Variants in SLC24A3 observed in about 807,000 individuals in gnomAD.
The protein encoded by SLC24A3 is sodium/potassium/calcium exchanger 3.
SLC24A3 carries 28 observed loss-of-function variants against 75.8 expected under a neutral mutation model. The ratio of observed to expected loss-of-function variants is 0.37; its 90% CI spans 0.27 to 0.51. The LOEUF (loss-of-function observed/expected upper bound fraction) is 0.51, where lower values mean the gene tolerates loss of function less well. Among genes scored for constraint, SLC24A3 ranks in the 20% least tolerant of loss-of-function variants. The pLI is 0.94. For synonymous variants in SLC24A3, 372 were observed against 334.1 expected (o/e 1.11, Z -1.24); for missense variants, 663 against 847.8 (o/e 0.78, Z 2.71).
intron 3 of SLC24A3, among the ~76,000 whole-genome samples, chr20:19,569,218 C>T (rs1256247516): frequency 6.6e-6 from 1 of 152,176 alleles, no homozygotes; most frequent in Non-Finnish European, 1.5e-5. Context: ...CTGCTTCCTC[C>T]TCTTAACCCA....
chr20:19,516,273 T>C (rs2029986227), intron 3 of SLC24A3, among the ~76,000 whole-genome samples: 2 of 152,336 alleles, frequency 1.3e-5, no homozygotes, highest in Middle Eastern at 3.4e-3. Flanking sequence ...GGGGAGGGCA[T>C]ACATGTGACG....
At chr20:19,254,134 C>T (rs1982742061) in intron 1 of SLC24A3, among the ~76,000 whole-genome samples, 1 of 152,196 alleles carries the variant, frequency 6.6e-6, no homozygotes, top group Non-Finnish European at 1.5e-5. Context: ...AATAATCACG[C>T]CTGTGCCCAT....
intron 3 of SLC24A3, among the ~76,000 whole-genome samples, chr20:19,541,548 C>T (rs918844182): frequency 3.9e-5 from 6 of 152,208 alleles, no homozygotes; most frequent in African/African-American, 9.6e-5. Context: ...GGGGCACCCC[C>T]GCGCCCTCCG....
At chr20:19,514,058 G>C (rs1327389397) in intron 2 of SLC24A3, among the ~76,000 whole-genome samples, 1 of 152,204 alleles carries the variant, frequency 6.6e-6, no homozygotes, top group African/African-American at 2.4e-5. Flanking sequence ...CAAACACTTC[G>C]TGTGGCTCCA....
At chr20:19,371,587 T>A (rs965145490) in intron 2 of SLC24A3, among the ~76,000 whole-genome samples, 2 of 152,154 alleles carry the variant, frequency 1.3e-5, no homozygotes, top group Non-Finnish European at 2.9e-5. Context: ...CCATTGGTAA[T>A]AAACCCCACC....
chr20:19,435,417 C>T (rs1987181235), intron 2 of SLC24A3, among the ~76,000 whole-genome samples: 1 of 152,232 alleles, frequency 6.6e-6, no homozygotes. Context: ...TTCGTTGTCA[C>T]CACTTATAGT....
intron 2 of SLC24A3, among the ~76,000 whole-genome samples, chr20:19,327,878 A>G (rs1336364670): frequency 6.6e-6 from 1 of 152,238 alleles, no homozygotes. Flanking sequence ...CAAAGAAGGA[A>G]AAGTCCTTCC....
At chr20:19,629,369 AC>A (rs546782947) in intron 6 of SLC24A3, among the ~76,000 whole-genome samples, 110 of 152,256 alleles carry the variant, frequency 7.2e-4, no homozygotes, top group African/African-American at 2.6e-3. Flanking sequence ...GGGGTAAAAA[AC>A]AAAAAGGATG....
chr20:19,342,627 G>A (rs1985294844), intron 2 of SLC24A3, among the ~76,000 whole-genome samples: 1 of 152,208 alleles, frequency 6.6e-6, no homozygotes, highest in African/African-American at 2.4e-5. Context: ...ATGTTAAGAA[G>A]GAGTTTCTAG....
chr20:19,665,792 C>CATGT (rs1042675902), intron 7 of SLC24A3, 72 bp from the exon 8 acceptor site: 60 of 1,203,196 alleles, frequency 5.0e-5, no homozygotes, highest in Middle Eastern at 2.2e-4. Context: ...AGCCTTAAAG[C>CATGT]GTGTGTGTGT....
chr20:19,271,806 A>G (rs1983339607), intron 1 of SLC24A3, among the ~76,000 whole-genome samples: 1 of 152,084 alleles, frequency 6.6e-6, no homozygotes, highest in African/African-American at 2.4e-5. Flanking sequence ...AAGGCATAAG[A>G]ATGACTCTGG....
intron 3 of SLC24A3, among the ~76,000 whole-genome samples, chr20:19,577,991 T>C (rs1568661455): frequency 6.6e-6 from 1 of 152,202 alleles, no homozygotes; most frequent in Admixed American, 6.5e-5. Context: ...TCTTACGATC[T>C]TATGGAAGAG....
At chr20:19,499,894 A>C (rs1988360031) in intron 2 of SLC24A3, among the ~76,000 whole-genome samples, 1 of 152,142 alleles carries the variant, frequency 6.6e-6, no homozygotes, top group Non-Finnish European at 1.5e-5. Context: ...TGATTTCTTC[A>C]ATCATCCTCC....
intron 7 of SLC24A3, among the ~76,000 whole-genome samples, chr20:19,658,641 A>G (rs887520662): frequency 1.3e-5 from 2 of 152,174 alleles, no homozygotes; most frequent in Non-Finnish European, 2.9e-5. Context: ...GACATTCCGT[A>G]CTTTGAAACA....
intron 1 of SLC24A3, among the ~76,000 whole-genome samples, chr20:19,280,450 G>T (rs868750509): frequency 6.6e-6 from 1 of 152,142 alleles, no homozygotes; most frequent in African/African-American, 2.4e-5. Flanking sequence ...GCTAGACCTC[G>T]GTGGGCTGGA....
chr20:19,282,441 C>T (rs966498730), intron 2 of SLC24A3, among the ~76,000 whole-genome samples: 12 of 152,314 alleles, frequency 7.9e-5, no homozygotes, highest in Non-Finnish European at 1.0e-4. Context: ...TGGGCAGCTA[C>T]GTGAGTTAGA....
At chr20:19,637,993 G>A (rs2032021675) in intron 6 of SLC24A3, among the ~76,000 whole-genome samples, 2 of 152,078 alleles carry the variant, frequency 1.3e-5, no homozygotes, top group Admixed American at 6.6e-5. Flanking sequence ...TGCAGAACGT[G>A]CAGGTTTGTT....
At chr20:19,698,516 G>T in intron 14 of SLC24A3, 52 bp from the exon 15 acceptor site, 1 of 1,426,190 alleles carries the variant, frequency 7.0e-7, no homozygotes, top group East Asian at 2.5e-5. Context: ...AGAGTCCTGT[G>T]TGGGGCCCCT....
At chr20:19,631,155 G>T (rs61277426) in intron 6 of SLC24A3, among the ~76,000 whole-genome samples, 5,345 of 152,138 alleles carry the variant, frequency 0.035, 314 homozygotes, top group African/African-American at 0.12. Context: ...ACCAGCCTGG[G>T]CAACATGGTG....
Sources: gnomAD v4.1 joint callset for allele counts (sites outside exome capture counted in the v4.1 genomes callset) on GRCh38, gnomAD v4.1.1 for gene constraint, MANE v1.5 for transcripts, NCBI Gene and HGNC (gene_info 2026-07-23, HGNC 2026-07-21) for gene names.